Variants in GRIP1 observed in about 807,000 individuals in gnomAD.
GRIP1 encodes the protein glutamate receptor interacting protein 1, also known as glutamate receptor-interacting protein 1.
Under a neutral mutation model 129.9 loss-of-function variants are expected in GRIP1, and 45 were observed. The ratio of observed to expected loss-of-function variants is 0.35; its 90% confidence interval spans 0.27 to 0.44. The LOEUF is 0.44. GRIP1 is among the 20% of genes least tolerant of loss of function. GRIP1 has a pLI of 1.00. For missense variants in GRIP1, 1,196 were observed against 1,396.8 expected (o/e 0.86, Z 2.29); for synonymous variants, 530 against 520.8 (o/e 1.02, Z -0.24).
intron 14 of GRIP1, 66 bp from the exon 15 acceptor site, chr12:66,420,855 C>G: frequency 1.1e-6 from 1 of 904,780 alleles, no homozygotes; most frequent in Non-Finnish European, 1.9e-6. Flanking sequence ...TGTACATTTC[C>G]CCTGTTTTAT....
At chr12:66,622,664 G>GT (rs1165097716) in intron 1 of GRIP1, among the ~76,000 whole-genome samples, 14 of 152,066 alleles carry the variant, frequency 9.2e-5, no homozygotes, top group African/African-American at 3.4e-4. Context: ...ATGGCACATG[G>GT]TTTTCTCTGT....
intron 1 of GRIP1, among the ~76,000 whole-genome samples, chr12:66,901,975 A>T (rs1465301812): frequency 2.0e-5 from 3 of 152,228 alleles, no homozygotes; most frequent in Non-Finnish European, 4.4e-5. Context: ...GATCCTTCAG[A>T]TCATGTGCAT....
intron 1 of GRIP1, among the ~76,000 whole-genome samples, chr12:66,670,448 G>C (rs528321539): frequency 1.3e-5 from 2 of 152,178 alleles, no homozygotes; most frequent in Admixed American, 6.5e-5. Flanking sequence ...GAAATCCTAC[G>C]TTAGCAGTGG....
At chr12:66,639,676 T>C (rs956485154) in intron 1 of GRIP1, among the ~76,000 whole-genome samples, 2 of 152,234 alleles carry the variant, frequency 1.3e-5, no homozygotes, top group Non-Finnish European at 2.9e-5. Context: ...ATTGCATTCT[T>C]AGTTTTCAAA....
chr12:66,503,337 C>T (rs2060442179), intron 7 of GRIP1, among the ~76,000 whole-genome samples: 1 of 152,098 alleles, frequency 6.6e-6, no homozygotes, highest in East Asian at 1.9e-4. Flanking sequence ...CCTAAACACA[C>T]TGCACATGCT....
chr12:66,711,216 T>C (rs17827036), intron 1 of GRIP1, among the ~76,000 whole-genome samples: 8,627 of 151,890 alleles, frequency 0.057, 615 homozygotes, highest in East Asian at 0.18. Flanking sequence ...AACAAAATAA[T>C]GAGACTATGG....
At chr12:66,578,044 G>A (rs2063202585) in intron 2 of GRIP1, among the ~76,000 whole-genome samples, 1 of 152,036 alleles carries the variant, frequency 6.6e-6, no homozygotes, top group African/African-American at 2.4e-5. Flanking sequence ...TGCAATCCAG[G>A]AAAACAATTG....
chr12:67,017,861 AGATACCACATAGGATCACAGAACATCCCG>A (rs2042810711), intron 1 of GRIP1, among the ~76,000 whole-genome samples: 2 of 152,232 alleles, frequency 1.3e-5, no homozygotes, highest in African/African-American at 4.8e-5. Context: ...TGGCACCAGC[AGATACCACATAGGATCACAGAACATCCCG>A]GATACCACAT....
chr12:67,058,195 T>C (rs2043470489), intron 1 of GRIP1, among the ~76,000 whole-genome samples: 1 of 152,254 alleles, frequency 6.6e-6, no homozygotes, highest in Admixed American at 6.5e-5. Context: ...TGTGTTATTC[T>C]CTACTGTTTT....
intron 2 of GRIP1, among the ~76,000 whole-genome samples, chr12:66,575,815 C>A (rs17779342): frequency 3.9e-4 from 60 of 152,034 alleles, no homozygotes; most frequent in Admixed American, 1.5e-3. Flanking sequence ...CAATGTTGTA[C>A]CTCCAGTGGC....
chr12:66,926,624 T>G lies in GRIP1; in HGVS notation c.58+142426A>C, dbSNP rs961459587. ...CTAAATGTGCTGTCAAGTTATGCTATGTGACTTTAGTCTTCAATTTGCATA... is the reference window on the plus strand; with the variant it reads ...CTAAATGTGCTGTCAAGTTATGCTAGGTGACTTTAGTCTTCAATTTGCATA... On this transcript the variant is annotated intron_variant, in intron 1 of 1. Transcript: ENST00000643019. 2.0e-5 allele frequency among the ~76,000 whole-genome samples: 3 copies of G among 152,240 alleles called. No homozygotes were observed. In the East Asian group the frequency reaches 5.8e-4, roughly 29 times the overall value.
At chr12:66,615,607 C>T (rs536275580) in intron 1 of GRIP1, among the ~76,000 whole-genome samples, 1 of 152,184 alleles carries the variant, frequency 6.6e-6, no homozygotes, top group African/African-American at 2.4e-5. Context: ...AATGAATACA[C>T]TAGTGTTCCT....
At chr12:66,475,099 A>G (rs1592389318) in intron 7 of GRIP1, among the ~76,000 whole-genome samples, 2 of 152,316 alleles carry the variant, frequency 1.3e-5, no homozygotes, top group African/African-American at 4.8e-5. Context: ...ATGTGCAGAG[A>G]CACACATAGG....
At chr12:66,912,082 A>T (rs1043088144) in intron 1 of GRIP1, among the ~76,000 whole-genome samples, 7 of 152,192 alleles carry the variant, frequency 4.6e-5, no homozygotes, top group Non-Finnish European at 5.9e-5. Flanking sequence ...TTACTTTGTA[A>T]TGATTACAAC....
intron 2 of GRIP1, among the ~76,000 whole-genome samples, chr12:66,542,295 T>C (rs1267699927): frequency 6.6e-6 from 1 of 152,162 alleles, no homozygotes; most frequent in Non-Finnish European, 1.5e-5. Flanking sequence ...CAATTAAAAA[T>C]TGTAAAGTAC....
intron 1 of GRIP1, among the ~76,000 whole-genome samples, chr12:66,789,759 T>C (rs1300378403): frequency 1.3e-5 from 2 of 152,160 alleles, no homozygotes; most frequent in African/African-American, 4.8e-5. Flanking sequence ...ACTCTCATAC[T>C]TTCATCTTAA....
chr12:66,517,495 A>G (rs1011440915), intron 6 of GRIP1, among the ~76,000 whole-genome samples: 2 of 152,158 alleles, frequency 1.3e-5, no homozygotes, highest in Non-Finnish European at 2.9e-5. Flanking sequence ...CTATCTGTCC[A>G]GGCTGGGAGA....
At chr12:66,682,147 A>G (rs1410548938), upstream of GRIP1, among the ~76,000 whole-genome samples, 9 of 152,090 alleles carry the variant, frequency 5.9e-5, no homozygotes, top group Non-Finnish European at 1.0e-4. Flanking sequence ...AATGTGATCT[A>G]GTTTACAGGG....
At chr12:66,756,976 T>C (rs1344474274) in intron 1 of GRIP1, among the ~76,000 whole-genome samples, 3 of 151,996 alleles carry the variant, frequency 2.0e-5, no homozygotes, top group Non-Finnish European at 1.5e-5. Context: ...GAGTACAGAG[T>C]AGGTGTATAT....
Sources: gnomAD v4.1 joint callset for allele counts (sites outside exome capture counted in the v4.1 genomes callset) on GRCh38, gnomAD v4.1.1 for gene constraint, MANE v1.5 for transcripts, NCBI Gene and HGNC (gene_info 2026-07-23, HGNC 2026-07-21) for gene names.